The following SSPN variants were observed in gnomAD, a reference collection of about 807,000 sequenced individuals.
SSPN encodes the protein sarcospan.
SSPN carries 15 observed loss-of-function variants against 19.1 expected under a neutral mutation model. The observed-to-expected ratio is 0.78, with a 90% CI of 0.52 to 1.21. The LOEUF (loss-of-function observed/expected upper bound fraction) is 1.21, where lower values mean the gene tolerates loss of function less well. Ranked by LOEUF, SSPN falls within the 50% of genes most tolerant of loss-of-function variation. The pLI is 0.00. For missense variants in SSPN, 291 were observed against 314.0 expected (o/e 0.93, Z 0.55); for synonymous variants, 147 against 140.3 (o/e 1.05, Z -0.34).
At chr12:26,159,626 C>G (rs974746370) in intron 1 of SSPN, among the ~76,000 whole-genome samples, 1 of 152,172 alleles carries the variant, frequency 6.6e-6, no homozygotes, top group Non-Finnish European at 1.5e-5. Context: ...TGCACCCATT[C>G]ATGAGAATGG....
At chr12:26,194,675 G>A (rs1004168054), upstream of SSPN, among the ~76,000 whole-genome samples, 1 of 152,204 alleles carries the variant, frequency 6.6e-6, no homozygotes, top group Non-Finnish European at 1.5e-5. Flanking sequence ...TGAGCCAACA[G>A]AGCTTTTAAA....
chr12:26,144,129 G>A lies in SSPN; in HGVS notation c.-31+21977G>A, dbSNP rs76691480. The stretch of plus-strand genomic sequence containing the variant: ...GCACTTGAATCATCCTGAAACCATC[G>A]CCACCACCCCAGTCTATGGAAAAAT... On this transcript the variant is annotated intron_variant, in intron 1 of 2. Coordinates refer to the SSPN transcript ENST00000538142. Among the ~76,000 whole-genome samples the A allele has an allele frequency of 3.7e-4, 56 of 152,136 alleles. No homozygotes were observed. In the East Asian group the frequency reaches 9.5e-3, roughly 26 times the overall value.
chr12:26,153,240 G>T (rs1944535860), intron 1 of SSPN, among the ~76,000 whole-genome samples: 1 of 152,150 alleles, frequency 6.6e-6, no homozygotes, highest in Non-Finnish European at 1.5e-5. Flanking sequence ...GGGTTGTGAG[G>T]ATCAAACGAG....
intron 1 of SSPN, among the ~76,000 whole-genome samples, chr12:26,138,656 A>C (rs35687239): frequency 3.3e-5 from 5 of 152,022 alleles, no homozygotes; most frequent in Admixed American, 2.6e-4. Flanking sequence ...CACATTGCAC[A>C]AGGAAAGTCT....
chr12:26,166,468 T>C (rs1379889077), intron 1 of SSPN, among the ~76,000 whole-genome samples: 2 of 152,246 alleles, frequency 1.3e-5, no homozygotes, highest in African/African-American at 2.4e-5. Context: ...TTGTACATTG[T>C]ACATTGAGAG....
chr12:26,196,637 T>G (rs1944832920), intron 1 of SSPN, among the ~76,000 whole-genome samples: 1 of 152,206 alleles, frequency 6.6e-6, no homozygotes, highest in South Asian at 2.1e-4. Context: ...TGTAGCATAC[T>G]TGGCTTGATT....
intron 1 of SSPN, among the ~76,000 whole-genome samples, chr12:26,208,579 A>G (rs1358604695): frequency 1.3e-5 from 2 of 151,970 alleles, no homozygotes; most frequent in Non-Finnish European, 2.9e-5. Flanking sequence ...TTTAATCTTC[A>G]TATATTTATA....
chr12:26,195,735 C>A lies in SSPN; in HGVS notation c.63C>A (p.Ala21=). Residue 21 remains alanine, a synonymous_variant, in exon 1 of 3, where the codon GCC becomes GCA. Transcript: ENST00000242729. ...QRQGGPPAAD[A]AGPDDMEPKK... ...AGGGGGGCCCGCCGGCCGCGGACGC[C>A]GCTGGGCCCGACGACATGGAGCCGA... The A allele has an allele frequency of 6.8e-7, 1 of 1,473,148 alleles. No homozygotes were observed. Among genetic ancestry groups the A allele is most frequent in the Non-Finnish European group, 8.9e-7 (1 of 1,117,696 alleles). The allele number at this position is 1,473,148 out of a possible 1,614,324, so 91.3% of individuals were successfully genotyped here. A position where few individuals can be genotyped will look rare whatever the true frequency, so the allele number is the denominator to read the frequency against.
intron 1 of SSPN, among the ~76,000 whole-genome samples, chr12:26,165,355 A>G (rs754887055): frequency 1.2e-4 from 18 of 152,186 alleles, no homozygotes; most frequent in Non-Finnish European, 2.2e-4. Context: ...TAAGCCTTCC[A>G]GATTTTAAGA....
chr12:26,123,555 A>G, intron 1 of SSPN: 1 of 995,754 alleles, frequency 1.0e-6, no homozygotes. Context: ...GGTGCGGGTG[A>G]GGGAGTCCTG....
chr12:26,186,338 A>G (rs185602798), intron 1 of SSPN, among the ~76,000 whole-genome samples: 4 of 152,334 alleles, frequency 2.6e-5, no homozygotes, highest in South Asian at 2.1e-4. Flanking sequence ...AAGAGCAACA[A>G]AATTTCCAGG....
chr12:26,146,716 G>A (rs192802874), intron 1 of SSPN, among the ~76,000 whole-genome samples: 3 of 150,982 alleles, frequency 2.0e-5, no homozygotes, highest in South Asian at 2.1e-4. Flanking sequence ...TCAGCTACTT[G>A]GGAGGCTGAA....
chr12:26,195,644 C>CG lies in SSPN; in HGVS notation c.-29_-28insG. The CG allele has an allele frequency of 7.5e-6, 1 of 133,494 alleles. No individual in the cohort carries two copies. The highest frequency in any genetic ancestry group is 1.0e-5 in the Non-Finnish European group (1 of 96,858). 8.3% of individuals were successfully genotyped at this position (133,494 alleles called of 1,614,324 possible). A position where few individuals can be genotyped will look rare whatever the true frequency, so the allele number is the denominator to read the frequency against. On this transcript the variant is annotated 5_prime_UTR_variant, in exon 1 of 3. Coordinates refer to ENST00000242729, the MANE Select transcript of SSPN (RefSeq NM_005086.5). ...CAGGGCCCAGGGCGCCGCACACGCACCCACCCACCCACCCAGCCTCGCAGC... is the reference window on the plus strand; with the variant it reads ...CAGGGCCCAGGGCGCCGCACACGCACGCCACCCACCCACCCAGCCTCGCAGC...
rs145109700 is a variant in SSPN, at chr12:26,148,263, A to G, written c.-31+26111A>G. On this transcript the variant is annotated intron_variant, in intron 1 of 2. Transcript: ENST00000538142. ...ACATGGAGGCTATTTTGGGGTGACT[A>G]GCTTCTTCCCGAGATCTGAATTGGG... 6.0e-4 allele frequency among the ~76,000 whole-genome samples: 92 copies of G among 152,320 alleles called. 1 individual carries two copies. The highest frequency in any genetic ancestry group is 4.6e-3 in the Admixed American group (71 of 15,296).
At chr12:26,183,614 G>A (rs755490623) in intron 1 of SSPN, among the ~76,000 whole-genome samples, 1 of 152,184 alleles carries the variant, frequency 6.6e-6, no homozygotes, top group Non-Finnish European at 1.5e-5. Context: ...TCAATCTCTA[G>A]CCAAAATGAC....
At chr12:26,183,184 T>G (rs1944731057) in intron 1 of SSPN, among the ~76,000 whole-genome samples, 1 of 152,230 alleles carries the variant, frequency 6.6e-6, no homozygotes, top group Admixed American at 6.5e-5. Flanking sequence ...ATGGGTGATT[T>G]GGACACACAA....
exon 1 of SSPN, chr12:26,122,063 G>A (rs1402924189): frequency 2.6e-6 from 4 of 1,549,520 alleles, no homozygotes; most frequent in Non-Finnish European, 3.5e-6. Context: ...GGGACGCAAG[G>A]ATTCAGGGAG....
At chr12:26,123,578 T>A (rs1477265985) in intron 1 of SSPN, 2 of 1,306,256 alleles carry the variant, frequency 1.5e-6, no homozygotes, top group Non-Finnish European at 2.2e-6. Context: ...ACTGCTCCCC[T>A]GTGGGCTGCC....
At chr12:26,141,214 G>T (rs974316733) in intron 1 of SSPN, among the ~76,000 whole-genome samples, 3 of 152,192 alleles carry the variant, frequency 2.0e-5, no homozygotes, top group South Asian at 2.1e-4. Flanking sequence ...AGGCAGAAGA[G>T]AATTAGAGGG....
Sources: gnomAD v4.1 joint callset for allele counts (sites outside exome capture counted in the v4.1 genomes callset) on GRCh38, gnomAD v4.1.1 for gene constraint, MANE v1.5 for transcripts, NCBI Gene and HGNC (gene_info 2026-07-23, HGNC 2026-07-21) for gene names.